The following NUDT3 variants were observed in gnomAD, a reference collection of about 807,000 sequenced individuals.
NUDT3 encodes the protein nudix hydrolase 3.
In NUDT3, 9 loss-of-function variants were observed where a neutral mutation model predicts 23.6. That is an observed-to-expected ratio of 0.38 (90% CI 0.23 to 0.66). The LOEUF is 0.66. Ranked by LOEUF, NUDT3 falls within the 30% of genes least tolerant of loss-of-function variation. NUDT3 has a pLI of 0.52. For missense variants in NUDT3, 172 were observed against 218.5 expected (o/e 0.79, Z 1.34); for synonymous variants, 86 against 82.6 (o/e 1.04, Z -0.22).
chr6:34,384,167 AC>A (rs1765067848), intron 1 of NUDT3, among the ~76,000 whole-genome samples: 2 of 152,204 alleles, frequency 1.3e-5, no homozygotes, highest in South Asian at 4.1e-4. Context: ...CAAACAGGCC[AC>A]CAGTCTCTGC....
rs147669856 is a variant in NUDT3, at chr6:34,383,725, CAAAG to C, written c.99+8535_99+8538del. Among the ~76,000 whole-genome samples the C allele has an allele frequency of 9.6e-4, 146 of 152,110 alleles. 1 individual carries two copies. The East Asian group carries it at 0.011, about 11-fold the overall frequency. ...TGAGAAATGAGAATTAAAGCAGAAA[CAAAG>C]AAGTAGGATTGGGGCAAAGACATAA... On this transcript the variant is annotated intron_variant, in intron 1 of 4. Transcript: ENST00000607016.
chr6:34,384,382 C>T lies in NUDT3; in HGVS notation c.99+7882G>A, dbSNP rs116680338. ...AAGGCACAGGGAAATCTAACTCACA[C>T]AATCCTATTAGTAGTCATTTTTCTC... On this transcript the variant is annotated intron_variant, in intron 1 of 4. Coordinates refer to ENST00000607016, the MANE Select transcript of NUDT3 (RefSeq NM_006703.4). 8.2e-3 allele frequency among the ~76,000 whole-genome samples: 1,243 copies of T among 152,302 alleles called. 12 individuals carry two copies. Among genetic ancestry groups the T allele is most frequent in the Non-Finnish European group, 0.015 (996 of 68,010 alleles).
intron 2 of NUDT3, among the ~76,000 whole-genome samples, chr6:34,316,544 G>A (rs762554378): frequency 6.6e-6 from 1 of 152,184 alleles, no homozygotes; most frequent in Non-Finnish European, 1.5e-5. Flanking sequence ...AACACATTCT[G>A]TTATTTGAAA....
intron 1 of NUDT3, among the ~76,000 whole-genome samples, chr6:34,368,194 A>G (rs1230115877): frequency 6.6e-6 from 1 of 152,078 alleles, no homozygotes; most frequent in Non-Finnish European, 1.5e-5. Flanking sequence ...GAGCGAGACT[A>G]CATCTCAGAA....
chr6:34,309,960 C>T (rs1278639992), intron 2 of NUDT3, among the ~76,000 whole-genome samples: 1 of 152,014 alleles, frequency 6.6e-6, no homozygotes, highest in Non-Finnish European at 1.5e-5. Flanking sequence ...TGGCTGGGTG[C>T]GGTGGTGCAT....
At chr6:34,341,714 T>G in intron 2 of NUDT3, 148 bp downstream of exon 2, 1 of 583,874 alleles carries the variant, frequency 1.7e-6, no homozygotes, top group Non-Finnish European at 2.8e-6. Context: ...CATCACCCGG[T>G]AATAAAGGAG....
In NUDT3 at chr6:34,284,705, C is replaced by T. The variant is rs1238923089; in HGVS notation, c.*4048G>A. 6 of 152,038 alleles carry T rather than the reference C, an allele frequency of 3.9e-5. No individual in the cohort carries two copies. The highest frequency in any genetic ancestry group is 7.4e-5 in the Non-Finnish European group (5 of 68,022). The allele number at this position is 152,038 out of a possible 1,614,324, so 9.4% of individuals were successfully genotyped here. On this transcript the variant is annotated 3_prime_UTR_variant, in exon 5 of 5. Transcript: ENST00000607016. ...AGGTTTAGCAGGAGCCTCCAATGAG[C>T]ACTGTATGTAGAGAAAAGGGAAGGA... is the stretch of plus-strand genomic sequence containing the variant.
intron 1 of NUDT3, among the ~76,000 whole-genome samples, chr6:34,371,342 G>A (rs1241468647): frequency 6.7e-6 from 1 of 148,524 alleles, no homozygotes; most frequent in South Asian, 2.1e-4. Context: ...GTGGCGTGCC[G>A]GTAGTCCAAG....
intron 2 of NUDT3, among the ~76,000 whole-genome samples, chr6:34,296,861 TATC>T (rs944003470): frequency 6.6e-6 from 1 of 151,438 alleles, no homozygotes; most frequent in African/African-American, 2.4e-5. Context: ...TACGGGTAAG[TATC>T]ATGACAGAAA....
At chr6:34,381,649 C>G (rs1765019898) in intron 1 of NUDT3, among the ~76,000 whole-genome samples, 1 of 152,114 alleles carries the variant, frequency 6.6e-6, no homozygotes, top group South Asian at 2.1e-4. Context: ...ACTGCAAAGC[C>G]TCCTAGGAAG....
At chr6:34,333,733 C>T (rs1299732830) in intron 2 of NUDT3, among the ~76,000 whole-genome samples, 2 of 152,218 alleles carry the variant, frequency 1.3e-5, no homozygotes, top group Admixed American at 6.5e-5. Flanking sequence ...CATGACTTCA[C>T]TACTCTGAGC....
chr6:34,389,854 C>A (rs763784107), intron 1 of NUDT3, among the ~76,000 whole-genome samples: 1 of 151,966 alleles, frequency 6.6e-6, no homozygotes, highest in Non-Finnish European at 1.5e-5. Context: ...GTCCCAGCTG[C>A]TCGGGAGGCT....
chr6:34,367,418 GT>G (rs1343027474), intron 1 of NUDT3, among the ~76,000 whole-genome samples: 3 of 151,576 alleles, frequency 2.0e-5, no homozygotes, highest in African/African-American at 7.3e-5. Flanking sequence ...GGAGGCGGAG[GT>G]TGCAGCGAGC....
At position 34,288,601 on chromosome 6, in the gene NUDT3, C is replaced by G; in HGVS notation, c.*152G>C. 1 of 1,064,264 alleles carries G rather than the reference C, an allele frequency of 9.4e-7. No homozygotes were observed. Among genetic ancestry groups the G allele is most frequent in the Non-Finnish European group, 1.3e-6 (1 of 765,082 alleles). 65.9% of individuals were successfully genotyped at this position (1,064,264 alleles called of 1,614,324 possible). A position where few individuals can be genotyped will look rare whatever the true frequency, so the allele number is the denominator to read the frequency against. On this transcript the variant is annotated 3_prime_UTR_variant, in exon 5 of 5. Coordinates refer to ENST00000607016, the MANE Select transcript of NUDT3 (RefSeq NM_006703.4). ...AAAAGCCCCATCACTTAACACCAAA[C>G]AGCAACATTATCAATACACCCTTTC...
At chr6:34,376,610 C>T (rs1764927595) in intron 1 of NUDT3, among the ~76,000 whole-genome samples, 1 of 152,248 alleles carries the variant, frequency 6.6e-6, no homozygotes, top group Admixed American at 6.5e-5. Context: ...TGTTACCAAA[C>T]CTGTCCACCC....
chr6:34,346,292 AG>A (rs753750474), intron 1 of NUDT3, among the ~76,000 whole-genome samples: 7 of 152,220 alleles, frequency 4.6e-5, no homozygotes, highest in Non-Finnish European at 7.3e-5. Flanking sequence ...AAGAAGAAAA[AG>A]TAGTAAAATG....
chr6:34,318,062 G>A (rs1002235185), intron 2 of NUDT3, among the ~76,000 whole-genome samples: 1 of 152,168 alleles, frequency 6.6e-6, no homozygotes, highest in African/African-American at 2.4e-5. Context: ...AAACCTAACT[G>A]AAGCTCTGCC....
At chr6:34,289,059 C>G (rs898136532) in intron 4 of NUDT3, 128 bp from the exon 5 acceptor site, 25 of 1,188,242 alleles carry the variant, frequency 2.1e-5, no homozygotes, top group Non-Finnish European at 2.7e-5. Context: ...AAAAATAACT[C>G]AAGCACACTT....
At chr6:34,357,204 T>C (rs191881626) in intron 1 of NUDT3, among the ~76,000 whole-genome samples, 162 of 152,278 alleles carry the variant, frequency 1.1e-3, no homozygotes, top group African/African-American at 3.7e-3. Flanking sequence ...TGATTACGAA[T>C]ATACATCCTA....
Sources: allele counts gnomAD v4.1 joint callset (sites outside exome capture counted in the v4.1 genomes callset), GRCh38; gene constraint gnomAD v4.1.1; transcripts MANE v1.5; gene names NCBI Gene and HGNC (gene_info 2026-07-23, HGNC 2026-07-21).